Variants in VAPA observed in about 807,000 individuals in gnomAD.
The protein encoded by VAPA is vesicle-associated membrane protein-associated protein A.
Under a neutral mutation model 25.6 loss-of-function variants are expected in VAPA, and 6 were observed. The observed-to-expected ratio is 0.23, with a 90% CI of 0.13 to 0.46. The LOEUF is 0.46. Among genes scored for constraint, VAPA ranks in the 20% least tolerant of loss-of-function variants. The probability of loss-of-function intolerance (pLI) is 0.99; values close to 1 mark genes in which losing one functional copy is unlikely to be tolerated. For missense variants in VAPA, 244 were observed against 302.1 expected (o/e 0.81, Z 1.43); for synonymous variants, 112 against 106.2 (o/e 1.05, Z -0.34).
intron 1 of VAPA, among the ~76,000 whole-genome samples, chr18:9,923,135 C>T (rs1353873702): frequency 6.6e-6 from 1 of 152,114 alleles, no homozygotes; most frequent in African/African-American, 2.4e-5. Flanking sequence ...CCATAGCATG[C>T]TTAGCTGCTT....
At chr18:9,946,935 T>C (rs1436849178) in intron 4 of VAPA, among the ~76,000 whole-genome samples, 1 of 152,248 alleles carries the variant, frequency 6.6e-6, no homozygotes, top group Non-Finnish European at 1.5e-5. Context: ...TTTCTATTTT[T>C]TAAATAAGAT....
At chr18:9,934,588 A>T in intron 2 of VAPA, among the ~76,000 whole-genome samples, 1 of 152,152 alleles carries the variant, frequency 6.6e-6, no homozygotes, top group East Asian at 1.9e-4. Context: ...TTACATAATT[A>T]TTTCTTACAT....
intron 4 of VAPA, among the ~76,000 whole-genome samples, chr18:9,941,501 C>T (rs1316537646): frequency 2.0e-5 from 3 of 152,034 alleles, no homozygotes; most frequent in Non-Finnish European, 2.9e-5. Flanking sequence ...ATAAACAAAA[C>T]ACCTCTTAAT....
At chr18:9,915,792 A>AATAGAAGTG (rs1178810655) in intron 1 of VAPA, 6 of 152,198 alleles carry the variant, frequency 3.9e-5, no homozygotes, top group African/African-American at 1.4e-4. Flanking sequence ...AATTTCTTTG[A>AATAGAAGTG]ATAGAAGTGT....
At chr18:9,948,867 A>C (rs76428133) in intron 4 of VAPA, 1 of 152,236 alleles carries the variant, frequency 6.6e-6, no homozygotes, top group Admixed American at 6.5e-5. Flanking sequence ...GCCCTGCTTC[A>C]TCCTCTTTAA....
Position 9,959,142 on chromosome 18 carries a change from AAG to A in VAPA, c.*4932_*4933del, listed in dbSNP as rs2069580768. The A allele has an allele frequency of 6.6e-6, 1 of 152,178 alleles. No individual in the cohort carries two copies. The highest frequency in any genetic ancestry group is 1.5e-5 in the Non-Finnish European group (1 of 68,016). The allele number at this position is 152,178 out of a possible 1,614,324, so 9.4% of individuals were successfully genotyped here. A position where few individuals can be genotyped will look rare whatever the true frequency, so the allele number is the denominator to read the frequency against. ...GTCTACACAGCTGAAGTAGCAGAGAAAGTGGGATCTAGATGGTCTGATCCTAG... is the reference window on the plus strand; with the variant it reads ...GTCTACACAGCTGAAGTAGCAGAGAATGGGATCTAGATGGTCTGATCCTAG... On this transcript the variant is annotated 3_prime_UTR_variant, in exon 6 of 6. Transcript: ENST00000400000.
At chr18:9,944,957 A>T in intron 4 of VAPA, 2 of 1,614,182 alleles carry the variant, frequency 1.2e-6, no homozygotes, top group Non-Finnish European at 1.7e-6. Context: ...TCCGACTGTC[A>T]CTTCAATGAG....
chr18:9,930,196 C>G (rs1035415152), intron 1 of VAPA, among the ~76,000 whole-genome samples: 1 of 151,996 alleles, frequency 6.6e-6, no homozygotes, highest in Non-Finnish European at 1.5e-5. Flanking sequence ...TATGAAAATA[C>G]ATAAATATGT....
At chr18:9,921,751 C>T (rs915367793) in intron 1 of VAPA, among the ~76,000 whole-genome samples, 2 of 152,170 alleles carry the variant, frequency 1.3e-5, no homozygotes, top group Non-Finnish European at 2.9e-5. Context: ...TGCGAGAGGA[C>T]TGTTAACTTG....
intron 5 of VAPA, among the ~76,000 whole-genome samples, chr18:9,952,738 C>T (rs574190659): frequency 1.2e-4 from 18 of 152,232 alleles, no homozygotes; most frequent in Non-Finnish European, 2.5e-4. Context: ...ATGTGAATCA[C>T]CTAGTGAGCT....
chr18:9,939,839 G>A (rs761499342), intron 4 of VAPA, among the ~76,000 whole-genome samples: 3 of 152,190 alleles, frequency 2.0e-5, no homozygotes, highest in Non-Finnish European at 4.4e-5. Context: ...GCACAAAACA[G>A]CCTCCACAAC....
chr18:9,955,897 C>T lies in VAPA; in HGVS notation c.*1686C>T, dbSNP rs2069544636. 1.3e-5 allele frequency: 2 copies of T among 151,094 alleles called. No homozygotes were observed. Among genetic ancestry groups the T allele is most frequent in the South Asian group, 4.2e-4 (2 of 4,712 alleles). 9.4% of individuals were successfully genotyped at this position (151,094 alleles called of 1,614,324 possible). ...ATGCTTTACTGTCTTTGTAAAAATCCCCCTCTCCCCTTTTCTGGTAACTGG... is the reference window on the plus strand; with the variant it reads ...ATGCTTTACTGTCTTTGTAAAAATCTCCCTCTCCCCTTTTCTGGTAACTGG... On this transcript the variant is annotated 3_prime_UTR_variant, in exon 6 of 6. Coordinates refer to ENST00000400000, the MANE Select transcript of VAPA (RefSeq NM_194434.3).
chr18:9,919,746 T>G (rs2143285344), intron 1 of VAPA, among the ~76,000 whole-genome samples: 1 of 152,290 alleles, frequency 6.6e-6, no homozygotes, highest in Admixed American at 6.5e-5. Flanking sequence ...AGTTAGGAGT[T>G]TTGTTTTTAT....
At chr18:9,927,282 A>G (rs183697829) in intron 1 of VAPA, among the ~76,000 whole-genome samples, 3 of 152,250 alleles carry the variant, frequency 2.0e-5, no homozygotes, top group Admixed American at 6.5e-5. Flanking sequence ...GAGTGTTTAT[A>G]TAATTATCTC....
At chr18:9,929,606 C>T (rs551946477) in intron 1 of VAPA, among the ~76,000 whole-genome samples, 2 of 152,242 alleles carry the variant, frequency 1.3e-5, no homozygotes, top group East Asian at 3.9e-4. Flanking sequence ...TTCTGTGACT[C>T]ACAAAAGTGG....
At chr18:9,949,119 A>G (rs1164871544) in intron 4 of VAPA, 1 of 152,232 alleles carries the variant, frequency 6.6e-6, no homozygotes, top group Non-Finnish European at 1.5e-5. Flanking sequence ...GCAGGGTAAA[A>G]TATATCTGAA....
chr18:9,929,248 ACTTCATTGT>A (rs2069228937), intron 1 of VAPA, among the ~76,000 whole-genome samples: 2 of 152,152 alleles, frequency 1.3e-5, no homozygotes. Flanking sequence ...GGAACATAGT[ACTTCATTGT>A]GTGGGTCTGC....
intron 4 of VAPA, among the ~76,000 whole-genome samples, chr18:9,942,853 C>T (rs535514080): frequency 2.0e-5 from 3 of 152,240 alleles, no homozygotes; most frequent in South Asian, 2.1e-4. Context: ...ATGATCCAGT[C>T]GCTTCCCACC....
intron 4 of VAPA, among the ~76,000 whole-genome samples, chr18:9,945,746 A>G (rs1406507189): frequency 6.6e-6 from 1 of 152,100 alleles, no homozygotes; most frequent in African/African-American, 2.4e-5. Context: ...AAATTATCTA[A>G]ATGTTTAATA....
Sources: allele counts gnomAD v4.1 joint callset (sites outside exome capture counted in the v4.1 genomes callset), GRCh38; gene constraint gnomAD v4.1.1; transcripts MANE v1.5; gene names NCBI Gene and HGNC (gene_info 2026-07-23, HGNC 2026-07-21).